Variants in DST observed in about 807,000 individuals in gnomAD.
DST encodes bullous pemphigoid antigen.
A neutral mutation model predicts 875.2 loss-of-function variants in DST; 253 were observed. That is an observed-to-expected ratio of 0.29 (90% confidence interval 0.26 to 0.32). DST has a LOEUF of 0.32. Among genes scored for constraint, DST ranks in the 10% least tolerant of loss-of-function variants. DST has a pLI of 1.00. For missense variants in DST, 8,287 were observed against 9,111.6 expected (o/e 0.91, Z 3.68); for synonymous variants, 3,124 against 3,197.1 (o/e 0.98, Z 0.77).
intron 50 of DST, among the ~76,000 whole-genome samples, chr6:56,577,823 T>C (rs1585367762): frequency 6.6e-6 from 1 of 152,188 alleles, no homozygotes; most frequent in Non-Finnish European, 1.5e-5. Context: ...AAAAAATATG[T>C]ATTGATAATC....
intron 5 of DST, among the ~76,000 whole-genome samples, chr6:56,719,878 C>G (rs974099560): frequency 3.3e-5 from 5 of 152,106 alleles, no homozygotes. Context: ...CCAAAGATCA[C>G]GTACTTCACA....
At chr6:56,866,529 T>TTGGATGTCTCC (rs1413669965) in intron 3 of DST, among the ~76,000 whole-genome samples, 1 of 152,188 alleles carries the variant, frequency 6.6e-6, no homozygotes, top group African/African-American at 2.4e-5. Context: ...CACCATGACT[T>TTGGATGTCTCC]ACAAGGCCTC....
At chr6:56,712,463 G>A (rs2099374477) in intron 5 of DST, among the ~76,000 whole-genome samples, 2 of 152,012 alleles carry the variant, frequency 1.3e-5, no homozygotes, top group Middle Eastern at 3.2e-3. Context: ...ACCTAATCAA[G>A]GAAACAAAAT....
chr6:56,635,540 T>C (rs1302389637), intron 24 of DST, 49 bp downstream of exon 24: 1 of 1,589,894 alleles, frequency 6.3e-7, no homozygotes, highest in African/African-American at 1.3e-5. Context: ...AAAACACTAA[T>C]CTAATCACTT....
intron 69 of DST, among the ~76,000 whole-genome samples, chr6:56,524,213 T>C (rs548179528): frequency 1.1e-4 from 16 of 152,224 alleles, no homozygotes; most frequent in Non-Finnish European, 1.5e-4. Flanking sequence ...TTTGGAAACT[T>C]ATCTTTTAAG....
chr6:56,762,777 A>G (rs2099620368), intron 4 of DST, among the ~76,000 whole-genome samples: 1 of 152,016 alleles, frequency 6.6e-6, no homozygotes. Flanking sequence ...CTCTCATTCA[A>G]TAAGAACTTA....
rs375687689 is a variant in DST, at chr6:56,463,719, G to A, written c.22805C>T (p.Ala7602Val). Residue 7602 changes from alanine (A) to valine (V), a missense_variant, in exon 101 of 104, where the codon GCA becomes GTA. Coordinates refer to ENST00000680361, the MANE Select transcript of DST (RefSeq NM_001374736.1). The part of the protein sequence containing the change: ...NMELREKFIL[A>V]DGASQGMAAF... ...AGCCATACCCTGGCTGGCACCATCT[G>A]CTAAAATGAACTTCTCACGCAGTTC... is the stretch of plus-strand genomic sequence containing the variant. The A allele has an allele frequency of 2.9e-5, 46 of 1,613,876 alleles. No homozygotes were observed. The African/African-American group carries it at 4.7e-4, about 16-fold the overall frequency.
At position 56,747,065 on chromosome 6, in the gene DST, G is replaced by A. The variant is rs185046045; in HGVS notation, c.626-11776C>T. On this transcript the variant is annotated intron_variant, in intron 4 of 103. Coordinates refer to ENST00000680361, the MANE Select transcript of DST (RefSeq NM_001374736.1). ...GATACAAAACAGTGAAGGCACAGGA[G>A]GTCTCTGAAAGGAGAATCAGTTACT... Among the ~76,000 whole-genome samples, 333 of 152,244 alleles carry A rather than the reference G, an allele frequency of 2.2e-3. 1 individual carries two copies. Among genetic ancestry groups the A allele is most frequent in the African/African-American group, 7.5e-3 (313 of 41,548 alleles).
intron 9 of DST, among the ~76,000 whole-genome samples, chr6:56,696,440 G>A (rs1248650067): frequency 5.9e-5 from 9 of 152,154 alleles, no homozygotes; most frequent in African/African-American, 2.2e-4. Context: ...GGGATTACAG[G>A]TGTGAGCCAC....
At position 56,601,620 on chromosome 6, in the gene DST, A is replaced by T; in HGVS notation, c.11364T>A (p.Asp3788Glu). The change falls in exon 44 of 104, where the codon GAT becomes GAA. Residue 3788 changes from aspartate to glutamate, a missense_variant. This residue lies in a region of DST where 3,138 missense variants were observed against 3,116.6 expected (regional missense o/e 1.01). Coordinates refer to ENST00000680361, the MANE Select transcript of DST (RefSeq NM_001374736.1). ...CATATTCAGAAATGAAGAACTGCAC[A>T]TCAAAGGCAGTAGTCTCCAGCTGCA... Reference protein sequence around the residue: ...TKMQLETTAFDVQFFISEYAQ... With the variant: ...TKMQLETTAFEVQFFISEYAQ... 1 of 1,598,626 alleles carries T rather than the reference A, an allele frequency of 6.3e-7. No individual in the cohort carries two copies. Among genetic ancestry groups the T allele is most frequent in the South Asian group, 1.1e-5 (1 of 88,702 alleles).
At chr6:56,613,298 A>ATATAGTAAG (rs1432640942) in intron 37 of DST, among the ~76,000 whole-genome samples, 5 of 152,190 alleles carry the variant, frequency 3.3e-5, no homozygotes, top group African/African-American at 1.2e-4. Flanking sequence ...ATGTAAGACT[A>ATATAGTAAG]TGACTGAATA....
Position 56,839,780 on chromosome 6 carries a change from G to A in DST, c.625+11617C>T, listed in dbSNP as rs79679475. On this transcript the variant is annotated intron_variant, in intron 4 of 103. Coordinates refer to ENST00000680361, the MANE Select transcript of DST (RefSeq NM_001374736.1). ...CCTTTTGTCACCATGCACATAAGCA[G>A]ATTTTATAGCCCTAATGAGAGAAGA... Among the ~76,000 whole-genome samples the A allele has an allele frequency of 2.8e-3, 424 of 152,276 alleles. 14 individuals are homozygous for A. The East Asian group carries it at 0.072, about 26-fold the overall frequency.
At position 56,604,585 on chromosome 6, in the gene DST, G is replaced by C. The variant is rs772674045; in HGVS notation, c.10043C>G (p.Ser3348Cys). The C allele has an allele frequency of 3.1e-6, 5 of 1,611,626 alleles. No homozygotes were observed. The highest frequency in any genetic ancestry group is 4.2e-6 in the Non-Finnish European group (5 of 1,178,950). Residue 3348 changes from serine to cysteine, a missense_variant, in exon 40 of 104, where the codon TCT becomes TGT. This residue lies in a region of DST where 3,138 missense variants were observed against 3,116.6 expected (regional missense o/e 1.01). Transcript: ENST00000680361. ...QEKEVQIPEL[S>C]QVFVEDVKDI... The stretch of plus-strand genomic sequence containing the variant: ...CTTTACATCCTCCACAAATACCTGA[G>C]ACAATTCAGGAATCTGAACCTCCTT...
chr6:56,640,212 T>C lies in DST; in HGVS notation c.2421A>G (p.Gln807=). The C allele has an allele frequency of 6.2e-7, 1 of 1,614,200 alleles. No individual in the cohort carries two copies. Among genetic ancestry groups the C allele is most frequent in the Non-Finnish European group, 8.5e-7 (1 of 1,180,028 alleles). ...TATTGATTTCTTCTTCTGTTAAATT[T>C]TGATCCAGCAAAGAAGACTTTAGAA... The part of the protein sequence containing the change: ...KPLLKSSLLD[Q]NLTEEEINMK... The change falls in exon 18 of 104, where the codon CAA becomes CAG. Residue 807 remains glutamine (Q), a synonymous_variant. Transcript: ENST00000680361.
intron 4 of DST, among the ~76,000 whole-genome samples, chr6:56,746,570 T>C (rs1294233253): frequency 1.3e-5 from 2 of 151,780 alleles, no homozygotes; most frequent in African/African-American, 4.8e-5. Flanking sequence ...TGAAAAAAAA[T>C]GGAAAATAAT....
intron 30 of DST, 134 bp from the exon 31 acceptor site, chr6:56,630,517 C>T (rs375563124): frequency 4.3e-5 from 36 of 832,334 alleles, no homozygotes; most frequent in East Asian, 3.0e-4. Flanking sequence ...TACTATGAAA[C>T]TGACATTTTT....
intron 92 of DST, 113 bp from the exon 93 acceptor site, chr6:56,474,115 A>G: frequency 1.1e-6 from 1 of 887,604 alleles, no homozygotes; most frequent in Non-Finnish European, 1.7e-6. Flanking sequence ...CTGAAGAAGA[A>G]TAAATCATAT....
At chr6:56,770,986 C>T (rs1482065425) in intron 4 of DST, among the ~76,000 whole-genome samples, 6 of 143,468 alleles carry the variant, frequency 4.2e-5, no homozygotes, top group South Asian at 2.2e-4. Context: ...GCAACAAGAG[C>T]GAAACTCCAT....
intron 9 of DST, among the ~76,000 whole-genome samples, chr6:56,671,429 C>G (rs561095107): frequency 6.6e-6 from 1 of 152,240 alleles, no homozygotes; most frequent in African/African-American, 2.4e-5. Context: ...ACAATTTGGC[C>G]AGAAGTTCTA....
Sources: allele counts gnomAD v4.1 joint callset (sites outside exome capture counted in the v4.1 genomes callset), GRCh38; gene constraint gnomAD v4.1.1; regional missense constraint gnomAD v4.1.1; transcripts MANE v1.5; gene names NCBI Gene and HGNC (gene_info 2026-07-23, HGNC 2026-07-21).